The following IDNK variants were observed in gnomAD, a reference collection of about 807,000 sequenced individuals.
IDNK encodes gluconokinase.
IDNK carries 9 observed loss-of-function variants against 13.0 expected under a neutral mutation model. That is an observed-to-expected ratio of 0.69 (90% CI 0.42 to 1.21). The LOEUF (loss-of-function observed/expected upper bound fraction) is 1.21. Ranked by LOEUF, IDNK falls within the 50% of genes most tolerant of loss-of-function variation. IDNK has a pLI of 0.00. For missense variants in IDNK, 210 were observed against 237.8 expected, an observed-to-expected ratio of 0.88 and a Z score of 0.77; for synonymous variants, 92 against 94.9, an observed-to-expected ratio of 0.97 and a Z score of 0.18.
At chr9:83,640,327 G>A (rs376928058) in intron 3 of IDNK, among the ~76,000 whole-genome samples, 203 of 152,212 alleles carry the variant, frequency 1.3e-3, no homozygotes, top group African/African-American at 4.5e-3. Flanking sequence ...CCCTGATACC[G>A]ACATTTAATA....
At chr9:83,626,683 C>T (rs1189384278) in intron 1 of IDNK, 17 of 1,272,928 alleles carry the variant, frequency 1.3e-5, no homozygotes, top group Admixed American at 2.4e-5. Flanking sequence ...TCCCAAAGTG[C>T]TGGGATTATA....
At chr9:83,641,615 ATAAGCCAAAGCCAGCAGG>A in intron 4 of IDNK, 24 bp downstream of exon 4, 1 of 1,612,284 alleles carries the variant, frequency 6.2e-7, no homozygotes, top group Non-Finnish European at 8.5e-7. Flanking sequence ...AGGCCTTGGC[ATAAGCCAAAGCCAGCAGG>A]TAAAGAAAAC....
chr9:83,642,548 A>G (rs941700421), intron 4 of IDNK, among the ~76,000 whole-genome samples: 1 of 138,828 alleles, frequency 7.2e-6, no homozygotes, highest in Non-Finnish European at 1.5e-5. Flanking sequence ...TTTGCTAGCC[A>G]TGTATTGGCT....
intron 1 of IDNK, among the ~76,000 whole-genome samples, chr9:83,624,704 TTG>T (rs1491118102): frequency 9.1e-6 from 1 of 109,522 alleles, no homozygotes; most frequent in East Asian, 6.0e-4. Context: ...TTAGCTTCTT[TTG>T]TTTTTTTTTT....
At chr9:83,625,226 G>A (rs1830817620) in intron 1 of IDNK, among the ~76,000 whole-genome samples, 1 of 152,218 alleles carries the variant, frequency 6.6e-6, no homozygotes, top group South Asian at 2.1e-4. Context: ...AAGATTTTAG[G>A]CCTGAGTAAT....
chr9:83,626,013 C>T (rs1379441281), intron 1 of IDNK, among the ~76,000 whole-genome samples: 2 of 152,234 alleles, frequency 1.3e-5, no homozygotes, highest in African/African-American at 4.8e-5. Flanking sequence ...CCCTTAACAT[C>T]TCCTTCCAGG....
intron 3 of IDNK, among the ~76,000 whole-genome samples, chr9:83,631,765 T>G (rs959467157): frequency 5.3e-5 from 8 of 152,140 alleles, no homozygotes; most frequent in African/African-American, 1.7e-4. Flanking sequence ...GAAAGCTGTG[T>G]TGGACAGTGC....
intron 1 of IDNK, among the ~76,000 whole-genome samples, chr9:83,625,977 A>G (rs191246608): frequency 6.6e-6 from 1 of 152,314 alleles, no homozygotes; most frequent in Admixed American, 6.5e-5. Flanking sequence ...AATTTTCTTT[A>G]TATTTTCACA....
intron 1 of IDNK, chr9:83,626,938 TTTAGTGAAAGAAAGAGGACCTTTG>T: frequency 2.7e-6 from 2 of 751,106 alleles, no homozygotes; most frequent in South Asian, 9.7e-5. Flanking sequence ...CTGATAGCTT[TTTAGTGAAAGAAAGAGGACCTTTG>T]TTAGGCAACA....
At chr9:83,626,388 A>G (rs557580961) in intron 1 of IDNK, 2 of 299,470 alleles carry the variant, frequency 6.7e-6, no homozygotes, top group South Asian at 2.6e-5. Context: ...TGGCATGTTC[A>G]TTCATGGCTA....
At chr9:83,640,564 G>A (rs143954369) in intron 3 of IDNK, among the ~76,000 whole-genome samples, 16 of 152,290 alleles carry the variant, frequency 1.1e-4, no homozygotes, top group East Asian at 3.9e-4. Context: ...GAAGCCAGCC[G>A]GGTGCGGTGG....
At chr9:83,643,351 G>C in intron 4 of IDNK, 78 bp from the exon 5 acceptor site, 4 of 1,154,250 alleles carry the variant, frequency 3.5e-6, no homozygotes, top group Non-Finnish European at 4.9e-6. Flanking sequence ...CTAGAGTCCT[G>C]CAACTAGAAT....
chr9:83,632,510 T>C (rs1188349056), intron 3 of IDNK, among the ~76,000 whole-genome samples: 1 of 147,378 alleles, frequency 6.8e-6, no homozygotes, highest in Non-Finnish European at 1.5e-5. Flanking sequence ...AGAAGAATTG[T>C]CTTGGGCCAC....
intron 3 of IDNK, among the ~76,000 whole-genome samples, chr9:83,630,737 CAAAAT>C (rs1216855616): frequency 2.6e-5 from 4 of 152,060 alleles, no homozygotes; most frequent in African/African-American, 4.8e-5. Context: ...AGTTAAATAA[CAAAAT>C]AAAGCAACCA....
intron 3 of IDNK, among the ~76,000 whole-genome samples, chr9:83,638,886 A>G (rs1350359264): frequency 6.6e-6 from 1 of 152,242 alleles, no homozygotes; most frequent in Admixed American, 6.5e-5. Flanking sequence ...GGAATTTCAA[A>G]TAACTTGAAA....
intron 1 of IDNK, chr9:83,626,727 TAA>T (rs1439923852): frequency 2.4e-6 from 3 of 1,253,176 alleles, no homozygotes; most frequent in Non-Finnish European, 3.1e-6. Context: ...AACTTGGTCT[TAA>T]GTGTGATTTC....
chr9:83,637,008 A>T (rs945090938), intron 3 of IDNK, among the ~76,000 whole-genome samples: 1 of 152,266 alleles, frequency 6.6e-6, no homozygotes, highest in Non-Finnish European at 1.5e-5. Context: ...AAGTGCTAAC[A>T]TAAACAGATG....
chr9:83,626,295 C>T (rs1480950773), intron 1 of IDNK: 1 of 228,814 alleles, frequency 4.4e-6, no homozygotes, highest in Non-Finnish European at 8.8e-6. Context: ...TTTAGACAGA[C>T]AGTGGTTTTT....
chr9:83,633,099 G>C (rs1831067317), intron 3 of IDNK, among the ~76,000 whole-genome samples: 1 of 151,930 alleles, frequency 6.6e-6, no homozygotes, highest in Non-Finnish European at 1.5e-5. Context: ...CAGCACTTTG[G>C]GAGGCCGAGG....
Sources: allele counts gnomAD v4.1 joint callset (sites outside exome capture counted in the v4.1 genomes callset), GRCh38; gene constraint gnomAD v4.1.1; transcripts MANE v1.5; gene names NCBI Gene and HGNC (gene_info 2026-07-23, HGNC 2026-07-21).